The following BCAR1 variants were observed in gnomAD, a reference collection of about 807,000 sequenced individuals.
BCAR1 encodes the protein BCAR1 scaffold protein, Cas family member, also known as breast cancer anti-estrogen resistance protein 1.
In BCAR1, 30 loss-of-function variants were observed where a neutral mutation model predicts 67.6. The ratio of observed to expected loss-of-function variants is 0.44; its 90% confidence interval spans 0.33 to 0.60. BCAR1 has a LOEUF of 0.60. BCAR1 is among the 20% of genes least tolerant of loss of function. The probability of loss-of-function intolerance (pLI) is 0.02; values close to 1 mark genes in which losing one functional copy is unlikely to be tolerated. For missense variants in BCAR1, 1,313 were observed against 1,222.3 expected (o/e 1.07, Z -1.11); for synonymous variants, 626 against 556.7 (o/e 1.12, Z -1.75).
chr16:75,267,139 G>T (rs989347442), intron 1 of BCAR1, among the ~76,000 whole-genome samples: 21 of 152,212 alleles, frequency 1.4e-4, no homozygotes, highest in African/African-American at 4.8e-4. Context: ...CTTTTCTCCA[G>T]GAGTGTCCCG....
At chr16:75,263,825 G>A in intron 1 of BCAR1, 1 of 988,726 alleles carries the variant, frequency 1.0e-6, no homozygotes, top group Non-Finnish European at 1.2e-6. Flanking sequence ...CAGTCTGGAA[G>A]CCTCCGCAGG....
rs1322997928 is a variant in BCAR1, at chr16:75,233,827, C to T, written c.2100+19G>A. 1 of 1,586,382 alleles carries T rather than the reference C, an allele frequency of 6.3e-7. No homozygotes were observed. The highest frequency in any genetic ancestry group is 8.6e-7 in the Non-Finnish European group (1 of 1,166,538). ...GGTCAGCGGGCAAAGCTGGGCCTTG[C>T]TCTGCTCCGGGGCCTCACCTGCTGC... On this transcript the variant is annotated intron_variant, in intron 6 of 6. Coordinates refer to ENST00000162330, the MANE Select transcript of BCAR1 (RefSeq NM_014567.5).
At chr16:75,250,893 C>A in intron 1 of BCAR1, 1 of 985,528 alleles carries the variant, frequency 1.0e-6, no homozygotes, top group Non-Finnish European at 1.2e-6. Context: ...GGCGCGCCCG[C>A]CCCCACTCCC....
chr16:75,265,853 G>A (rs1014463350), intron 1 of BCAR1: 12 of 1,171,646 alleles, frequency 1.0e-5, no homozygotes, highest in Middle Eastern at 3.5e-4. Flanking sequence ...CGCCGCCCCC[G>A]GGGCCTGGCG....
Position 75,251,584 on chromosome 16 carries a change from G to A in BCAR1, c.-102C>T, listed in dbSNP as rs999539390. ...CCGAGCGCGCCGCAGCCGCCCCGGTGCCGCCGCGCAGCTGCCGCCTCGGCC... is the reference window on the plus strand; with the variant it reads ...CCGAGCGCGCCGCAGCCGCCCCGGTACCGCCGCGCAGCTGCCGCCTCGGCC... On this transcript the variant is annotated 5_prime_UTR_variant, in exon 1 of 7. Transcript: ENST00000162330. 5.3e-4 allele frequency: 563 copies of A among 1,056,712 alleles called. No homozygotes were observed. Among genetic ancestry groups the A allele is most frequent in the Non-Finnish European group, 6.2e-4 (548 of 878,172 alleles). The allele number at this position is 1,056,712 out of a possible 1,614,324, so 65.5% of individuals were successfully genotyped here. A position where few individuals can be genotyped will look rare whatever the true frequency, so the allele number is the denominator to read the frequency against.
In BCAR1 at chr16:75,229,157, C is replaced by G. The variant is rs148949337; in HGVS notation, c.*354G>C. 4.3e-3 allele frequency: 1,093 copies of G among 252,046 alleles called. 9 individuals carry two copies. The highest frequency in any genetic ancestry group is 0.021 in the African/African-American group (963 of 45,146). 15.6% of individuals were successfully genotyped at this position (252,046 alleles called of 1,614,324 possible). ...GGAGGACACACCAAACTGCACTGGC[C>G]CTGTCAGGGGACACGGCACCCTCGT... On this transcript the variant is annotated 3_prime_UTR_variant, in exon 7 of 7. Coordinates refer to ENST00000162330, the MANE Select transcript of BCAR1 (RefSeq NM_014567.5).
At chr16:75,242,311 A>G (rs1245077162) in intron 2 of BCAR1, among the ~76,000 whole-genome samples, 159 bp downstream of exon 2, 2 of 152,192 alleles carry the variant, frequency 1.3e-5, no homozygotes, top group Non-Finnish European at 2.9e-5. Context: ...CGGACAAATG[A>G]ACACCCCCCA....
At chr16:75,265,306 C>A (rs1414442632) in intron 1 of BCAR1, 1 of 152,434 alleles carries the variant, frequency 6.6e-6, no homozygotes, top group Non-Finnish European at 1.5e-5. Context: ...AGAGACCGCG[C>A]CCCAACCTGG....
chr16:75,238,931 C>T (rs2077238383), intron 2 of BCAR1: 1 of 985,298 alleles, frequency 1.0e-6, no homozygotes, highest in African/African-American at 1.7e-5. Context: ...AGCCAGGACC[C>T]AGCACCAGCA....
chr16:75,266,839 A>G, intron 1 of BCAR1: 6 of 1,265,696 alleles, frequency 4.7e-6, no homozygotes, highest in South Asian at 2.5e-5. Flanking sequence ...TGCCCACCCC[A>G]GGGAGGAAAG....
rs566650049 is a variant in BCAR1 at position 75,257,737 on chromosome 16, G to A, written c.66+10178C>T. Among the ~76,000 whole-genome samples the A allele has an allele frequency of 1.1e-4, 16 of 152,318 alleles. No homozygotes were observed. In the East Asian group the frequency reaches 2.5e-3, roughly 24 times the overall value. On this transcript the variant is annotated intron_variant, in intron 1 of 6. Coordinates refer to the BCAR1 transcript ENST00000393422. ...TTCCCAAAGTGCTGGGATTATAAGC[G>A]TAAGCCACTGTGCCTGGTGGAAAAG...
intron 1 of BCAR1, among the ~76,000 whole-genome samples, chr16:75,261,779 C>T (rs988942911): frequency 2.6e-5 from 4 of 152,220 alleles, no homozygotes; most frequent in Admixed American, 6.5e-5. Flanking sequence ...GAAAGGGCCA[C>T]AGAACCCTAG....
At chr16:75,264,577 A>C (rs778355762) in intron 1 of BCAR1, 2 of 1,311,634 alleles carry the variant, frequency 1.5e-6, no homozygotes, top group Non-Finnish European at 1.9e-6. Context: ...ACATCAGCAC[A>C]GTCTGGAAGC....
intron 2 of BCAR1, among the ~76,000 whole-genome samples, chr16:75,242,104 G>C (rs1490292314): frequency 6.6e-6 from 1 of 152,200 alleles, no homozygotes; most frequent in Non-Finnish European, 1.5e-5. Flanking sequence ...AGATGGCACA[G>C]GGGAGCCTGA....
rs776073486 is a variant in BCAR1 at position 75,242,597 on chromosome 16, G to C, written c.506C>G (p.Pro169Arg). 4.0e-6 allele frequency: 6 copies of C among 1,498,020 alleles called. No individual in the cohort carries two copies. Among genetic ancestry groups the C allele is most frequent in the Non-Finnish European group, 5.3e-6 (6 of 1,124,310 alleles). 92.8% of individuals were successfully genotyped at this position (1,498,020 alleles called of 1,614,324 possible). A position where few individuals can be genotyped will look rare whatever the true frequency, so the allele number is the denominator to read the frequency against. The part of the protein sequence containing the change: ...SPATDLYQVP[P>R]GPGGPAQDIY... ...ATCCTGGGCAGGGCCTCCAGGCCCT[G>C]GGGGCACCTGGTACAGGTCTGTGGC... Residue 169 changes from proline to arginine, a missense_variant, in exon 2 of 7, where the codon CCA (proline) becomes CGA (arginine). Pro to Arg is a moderately radical substitution (Grantham distance 103). Transcript: ENST00000162330.
At chr16:75,250,780 ACCCGG>A in intron 1 of BCAR1, 1 of 985,278 alleles carries the variant, frequency 1.0e-6, no homozygotes, top group Non-Finnish European at 1.2e-6. Flanking sequence ...ACACTGCAGA[ACCCGG>A]CCCTGGCCCC....
intron 1 of BCAR1, chr16:75,248,546 T>C (rs908789794): frequency 5.6e-5 from 11 of 197,180 alleles, no homozygotes; most frequent in Admixed American, 2.2e-4. Flanking sequence ...CCCTCCCCCA[T>C]GTCCCCATCC....
chr16:75,244,372 C>T (rs2077452242), intron 1 of BCAR1, among the ~76,000 whole-genome samples: 1 of 152,268 alleles, frequency 6.6e-6, no homozygotes, highest in Non-Finnish European at 1.5e-5. Context: ...TGGGCAGAAA[C>T]AGGAAGCAGG....
chr16:75,264,778 C>T, intron 1 of BCAR1: 1 of 614,468 alleles, frequency 1.6e-6, no homozygotes, highest in Non-Finnish European at 2.2e-6. Flanking sequence ...AGGATGGGGT[C>T]CTCCGGGTGA....
Sources: allele counts gnomAD v4.1 joint callset (sites outside exome capture counted in the v4.1 genomes callset), GRCh38; gene constraint gnomAD v4.1.1; transcripts MANE v1.5; gene names NCBI Gene and HGNC (gene_info 2026-07-23, HGNC 2026-07-21).